Variants in ANKRD6 observed in about 807,000 individuals in gnomAD.
The protein encoded by ANKRD6 is ankyrin repeat domain-containing protein 6.
In ANKRD6, 56 loss-of-function variants were observed where a neutral mutation model predicts 82.3. The ratio of observed to expected loss-of-function variants is 0.68; its 90% CI spans 0.55 to 0.85. The LOEUF is 0.85. ANKRD6 is among the 40% of genes least tolerant of loss of function. The pLI, the probability that ANKRD6 is intolerant of heterozygous loss-of-function variation, is 0.00. For missense variants in ANKRD6, 852 were observed against 907.6 expected (o/e 0.94, Z 0.79); for synonymous variants, 347 against 352.1 (o/e 0.99, Z 0.16).
At chr6:89,623,374 A>C in intron 10 of ANKRD6, 36 bp from the exon 11 acceptor site, 4 of 1,583,108 alleles carry the variant, frequency 2.5e-6, no homozygotes, top group Non-Finnish European at 3.4e-6. Flanking sequence ...CCAAGGAAGC[A>C]AACACAATGG....
rs1374040266 is a variant in ANKRD6 at position 89,630,754 on chromosome 6, C to T, written c.1934C>T (p.Pro645Leu). The T allele has an allele frequency of 1.5e-5, 25 of 1,613,842 alleles. No homozygotes were observed. Among genetic ancestry groups the T allele is most frequent in the Non-Finnish European group, 2.0e-5 (24 of 1,179,878 alleles). The change falls in exon 16 of 16, where the codon CCG (proline) becomes CTG (leucine). Residue 645 changes from proline (P) to leucine (L), a missense_variant. Pro to Leu is a moderately conservative substitution (Grantham distance 98). Transcript: ENST00000339746. The part of the protein sequence containing the change: ...QPAASSTCGQ[P>L]PPATGSEQTG... Reference sequence around the variant, plus strand: ...GCAGCCAGCAGCACCTGTGGGCAGCCGCCACCAGCCACAGGCAGCGAGCAG... The same window carrying T: ...GCAGCCAGCAGCACCTGTGGGCAGCTGCCACCAGCCACAGGCAGCGAGCAG...
intron 3 of ANKRD6, chr6:89,598,405 C>G: frequency 1.0e-6 from 1 of 985,116 alleles, no homozygotes; most frequent in Non-Finnish European, 1.2e-6. Flanking sequence ...TAGGAAGGAC[C>G]CTAGAAGATC....
chr6:89,629,388 C>A, intron 15 of ANKRD6, 150 bp downstream of exon 15: 1 of 1,123,652 alleles, frequency 8.9e-7, no homozygotes, highest in Non-Finnish European at 1.3e-6. Flanking sequence ...CTGTATTTTG[C>A]TCGTAACCAT....
At chr6:89,568,084 T>G (rs1319314917) in intron 2 of ANKRD6, 1 of 152,134 alleles carries the variant, frequency 6.6e-6, no homozygotes. Flanking sequence ...CCCATGGAGG[T>G]GAACAGGGGT....
chr6:89,551,530 G>T (rs1785848899), intron 1 of ANKRD6, among the ~76,000 whole-genome samples: 1 of 152,178 alleles, frequency 6.6e-6, no homozygotes, highest in South Asian at 2.1e-4. Context: ...CCCTACAAAG[G>T]ACTCCCCAAA....
intron 1 of ANKRD6, among the ~76,000 whole-genome samples, chr6:89,444,966 GT>G (rs1459007690): frequency 6.6e-6 from 1 of 150,910 alleles, no homozygotes; most frequent in Non-Finnish European, 1.5e-5. Flanking sequence ...GAAACTCCAT[GT>G]CAAAAAAAAA....
chr6:89,577,227 T>A (rs1583417132), intron 2 of ANKRD6, among the ~76,000 whole-genome samples: 1 of 152,170 alleles, frequency 6.6e-6, no homozygotes, highest in East Asian at 1.9e-4. Context: ...TTTCTTCTTT[T>A]GGGTCTTTGA....
chr6:89,623,971 C>A lies in ANKRD6; in HGVS notation c.1132C>A (p.Arg378=). The A allele has an allele frequency of 6.2e-7, 1 of 1,613,766 alleles. No homozygotes were observed. The highest frequency in any genetic ancestry group is 8.5e-7 in the Non-Finnish European group (1 of 1,179,804). ...HNHPKKRNRH[R]CSSPPPPHEF... ...TCACCCTAAAAAGAGGAACAGGCATCGGTGTTCATCCCCACCCCCACCCCA... is the reference window on the plus strand; with the variant it reads ...TCACCCTAAAAAGAGGAACAGGCATAGGTGTTCATCCCCACCCCCACCCCA... The change falls in exon 12 of 16, where the codon CGG becomes AGG. Residue 378 remains arginine (R), a synonymous_variant. Coordinates refer to ENST00000339746, the MANE Select transcript of ANKRD6 (RefSeq NM_001242809.2).
chr6:89,573,153 G>A (rs936047575), intron 2 of ANKRD6, among the ~76,000 whole-genome samples: 16 of 152,240 alleles, frequency 1.1e-4, no homozygotes, highest in African/African-American at 3.4e-4. Flanking sequence ...CTTCCTGGGC[G>A]ATCCTACTGC....
chr6:89,560,679 C>T (rs376694294), intron 1 of ANKRD6, among the ~76,000 whole-genome samples: 9 of 152,096 alleles, frequency 5.9e-5, no homozygotes, highest in African/African-American at 1.9e-4. Flanking sequence ...AAAAATTGGC[C>T]GGGCATCATG....
chr6:89,566,143 T>A (rs1246384134), intron 1 of ANKRD6, among the ~76,000 whole-genome samples: 1 of 152,234 alleles, frequency 6.6e-6, no homozygotes, highest in East Asian at 1.9e-4. Flanking sequence ...GGAAGCAACA[T>A]GACCAGCCCC....
At chr6:89,544,096 G>A (rs1050470627) in intron 1 of ANKRD6, among the ~76,000 whole-genome samples, 2 of 152,066 alleles carry the variant, frequency 1.3e-5, no homozygotes, top group Non-Finnish European at 2.9e-5. Flanking sequence ...GCGACCTCTC[G>A]GCCCTCCTGG....
At chr6:89,527,465 G>A (rs2127982951) in intron 1 of ANKRD6, among the ~76,000 whole-genome samples, 1 of 151,614 alleles carries the variant, frequency 6.6e-6, no homozygotes, top group Non-Finnish European at 1.5e-5. Context: ...ATGTTGCTGG[G>A]TACCTGTAAT....
At chr6:89,489,708 G>A (rs958605658) in intron 1 of ANKRD6, among the ~76,000 whole-genome samples, 2 of 152,336 alleles carry the variant, frequency 1.3e-5, no homozygotes, top group Non-Finnish European at 2.9e-5. Context: ...GGATACAGGA[G>A]CGAGGACCTG....
chr6:89,599,960 G>A (rs1796733427), intron 3 of ANKRD6, among the ~76,000 whole-genome samples: 1 of 152,148 alleles, frequency 6.6e-6, no homozygotes, highest in African/African-American at 2.4e-5. Flanking sequence ...GAGGACGGCT[G>A]GAGGGGGAGC....
chr6:89,449,521 A>G (rs371622202), intron 1 of ANKRD6, among the ~76,000 whole-genome samples: 9 of 152,346 alleles, frequency 5.9e-5, no homozygotes, highest in African/African-American at 1.7e-4. Flanking sequence ...TCATGTTTGC[A>G]TGGCTGAGAT....
chr6:89,449,193 A>G (rs113912356), intron 1 of ANKRD6, among the ~76,000 whole-genome samples: 3,842 of 152,300 alleles, frequency 0.025, 166 homozygotes, highest in African/African-American at 0.087. Context: ...GAGGAGGTCA[A>G]AATGTCAACA....
chr6:89,499,562 G>C (rs944730766), intron 1 of ANKRD6, among the ~76,000 whole-genome samples: 2 of 152,096 alleles, frequency 1.3e-5, no homozygotes, highest in South Asian at 2.1e-4. Flanking sequence ...CGCAGTGCTG[G>C]GGGGAGGGTG....
rs553731738 is a variant in ANKRD6 at position 89,613,693 on chromosome 6, T to C, written c.517-99T>C. ...TGCTTATGATTCCCTAAAGAGTACA[T>C]GATAGTCTGCTAGCTTTTAAATAAC... On this transcript the variant is annotated intron_variant, in intron 6 of 15. Transcript: ENST00000339746. 9 of 1,078,190 alleles carry C rather than the reference T, an allele frequency of 8.3e-6. No homozygotes were observed. The African/African-American group carries it at 1.4e-4, about 17-fold the overall frequency. 66.8% of individuals were successfully genotyped at this position (1,078,190 alleles called of 1,614,324 possible).
Sources: allele counts gnomAD v4.1 joint callset (sites outside exome capture counted in the v4.1 genomes callset), GRCh38; gene constraint gnomAD v4.1.1; transcripts MANE v1.5; gene names NCBI Gene and HGNC (gene_info 2026-07-23, HGNC 2026-07-21).